The following TINAG variants were observed in gnomAD, a reference collection of about 807,000 sequenced individuals.
The protein encoded by TINAG is tubulointerstitial nephritis antigen.
Under a neutral mutation model 72.7 loss-of-function variants are expected in TINAG, and 83 were observed. The ratio of observed to expected loss-of-function variants is 1.14; its 90% confidence interval spans 0.96 to 1.37. The LOEUF (loss-of-function observed/expected upper bound fraction) is 1.37. Among genes scored for constraint, TINAG ranks in the 40% most tolerant of loss-of-function variants. TINAG has a pLI of 0.00. For missense variants in TINAG, 685 were observed against 576.6 expected (o/e 1.19, Z -1.93); for synonymous variants, 234 against 189.9 (o/e 1.23, Z -1.91).
chr6:54,357,633 C>T (rs1226494256), intron 9 of TINAG, among the ~76,000 whole-genome samples: 1 of 151,906 alleles, frequency 6.6e-6, no homozygotes, highest in African/African-American at 2.4e-5. Context: ...TCACAATTTA[C>T]TTTCAATATG....
chr6:54,333,397 C>T (rs772566206), intron 4 of TINAG, among the ~76,000 whole-genome samples: 4 of 151,290 alleles, frequency 2.6e-5, no homozygotes, highest in Non-Finnish European at 4.4e-5. Flanking sequence ...TGTTCTCACT[C>T]ATAAGTGGGA....
In TINAG at chr6:54,349,731, A is replaced by G. The variant is rs1341240097; in HGVS notation, c.915A>G (p.Ala305=). 1.9e-6 allele frequency: 3 copies of G among 1,589,094 alleles called. No homozygotes were observed. Among genetic ancestry groups the G allele is most frequent in the Non-Finnish European group, 2.6e-6 (3 of 1,164,606 alleles). ...TTCCTCATAGACTGGTATCCCACGCATGCTACCCACTTTTCAAAGACCAAA... is the reference window on the plus strand; with the variant it reads ...TTCCTCATAGACTGGTATCCCACGCGTGCTACCCACTTTTCAAAGACCAAA... The part of the protein sequence containing the change: ...YLRKRGLVSH[A]CYPLFKDQNA... The change falls in exon 7 of 11, where the codon GCA becomes GCG. Residue 305 remains alanine (A), a synonymous_variant. Transcript: ENST00000259782.
rs187121467 is a variant in TINAG, at chr6:54,357,456, T to C, written c.1250+2820T>C. Among the ~76,000 whole-genome samples, 351 of 152,030 alleles carry C rather than the reference T, an allele frequency of 2.3e-3. 1 individual carries two copies. The highest frequency in any genetic ancestry group is 3.8e-3 in the Non-Finnish European group (255 of 67,914). On this transcript the variant is annotated intron_variant, in intron 9 of 10. Transcript: ENST00000259782. ...TATTTGACATCATCACCTGGATACC[T>C]TATTAGGGAGTAAATGCTTCAAATT...
At chr6:54,371,981 GTTTTTTTTTTTT>G (rs576340253) in intron 9 of TINAG, among the ~76,000 whole-genome samples, 2 of 71,420 alleles carry the variant, frequency 2.8e-5, no homozygotes, top group South Asian at 6.6e-4. Flanking sequence ...TTCAAGTCAT[GTTTTTTTTTTTT>G]TTTTTTTTTT....
chr6:54,328,176 G>A (rs568963529), intron 4 of TINAG, among the ~76,000 whole-genome samples: 21 of 152,216 alleles, frequency 1.4e-4, no homozygotes, highest in African/African-American at 5.1e-4. Context: ...TTGACTGGGA[G>A]ACACCTCCCA....
chr6:54,342,660 G>A (rs993477579), intron 4 of TINAG, among the ~76,000 whole-genome samples: 2 of 152,084 alleles, frequency 1.3e-5, no homozygotes, highest in African/African-American at 4.8e-5. Context: ...GAGCCACCGT[G>A]CCCAGTCCTG....
rs114851099 is a variant in TINAG at position 54,311,551 on chromosome 6, C to A, written c.355+2646C>A. ...CAATTAGTATTATCCAGAGAGGTAA[C>A]CTTTACTTATATAATCAGTAAAACG... On this transcript the variant is annotated intron_variant, in intron 1 of 10. Transcript: ENST00000259782. Among the ~76,000 whole-genome samples the A allele has an allele frequency of 7.0e-3, 1,069 of 152,260 alleles. 14 individuals are homozygous for A. The highest frequency in any genetic ancestry group is 0.027 in the Middle Eastern group (8 of 292).
At chr6:54,369,555 T>C (rs1465300010) in intron 9 of TINAG, among the ~76,000 whole-genome samples, 3 of 152,004 alleles carry the variant, frequency 2.0e-5, no homozygotes, top group Non-Finnish European at 4.4e-5. Flanking sequence ...TTTAAAATTA[T>C]ACATTTCATG....
intron 9 of TINAG, among the ~76,000 whole-genome samples, chr6:54,361,431 T>C (rs1763234086): frequency 6.6e-6 from 1 of 151,650 alleles, no homozygotes. Context: ...AAGCCATATC[T>C]TCACATGGCG....
At chr6:54,388,578 G>A (rs1764164004) in intron 10 of TINAG, among the ~76,000 whole-genome samples, 1 of 152,066 alleles carries the variant, frequency 6.6e-6, no homozygotes, top group African/African-American at 2.4e-5. Context: ...GTAAATGGGA[G>A]GCGAGTGTGA....
At chr6:54,388,645 GAACT>G (rs2150987341) in intron 10 of TINAG, among the ~76,000 whole-genome samples, 1 of 151,994 alleles carries the variant, frequency 6.6e-6, no homozygotes, top group African/African-American at 2.4e-5. Context: ...TTTAGTTGTG[GAACT>G]AACTCCCTTC....
chr6:54,345,822 T>G (rs2150956604), intron 5 of TINAG, among the ~76,000 whole-genome samples: 1 of 152,194 alleles, frequency 6.6e-6, no homozygotes, highest in Non-Finnish European at 1.5e-5. Flanking sequence ...TATGCTGTAG[T>G]TACATTAAAA....
At chr6:54,328,523 C>T (rs906732866) in intron 4 of TINAG, among the ~76,000 whole-genome samples, 1 of 151,966 alleles carries the variant, frequency 6.6e-6, no homozygotes, top group African/African-American at 2.4e-5. Flanking sequence ...AAAATCAGCA[C>T]AAAAAAAGCT....
At chr6:54,360,010 A>G (rs1470329039) in intron 9 of TINAG, among the ~76,000 whole-genome samples, 3 of 151,806 alleles carry the variant, frequency 2.0e-5, no homozygotes, top group African/African-American at 7.2e-5. Context: ...AACTTATTGA[A>G]AAAATGAATT....
chr6:54,314,120 T>C (rs1208899549), intron 1 of TINAG, among the ~76,000 whole-genome samples: 1 of 152,198 alleles, frequency 6.6e-6, no homozygotes, highest in Non-Finnish European at 1.5e-5. Context: ...AAGTTGAGTA[T>C]ATTAAAATGG....
At chr6:54,340,520 A>G (rs1391207062) in intron 4 of TINAG, among the ~76,000 whole-genome samples, 1 of 152,182 alleles carries the variant, frequency 6.6e-6, no homozygotes, top group Non-Finnish European at 1.5e-5. Context: ...TTTACTTTAC[A>G]GAGGAATACA....
chr6:54,374,496 A>T (rs1239970465), intron 9 of TINAG, among the ~76,000 whole-genome samples: 1 of 152,130 alleles, frequency 6.6e-6, no homozygotes, highest in Non-Finnish European at 1.5e-5. Flanking sequence ...ACTTTTTCAT[A>T]TTCAATAACA....
At chr6:54,328,230 A>G (rs933201908) in intron 4 of TINAG, among the ~76,000 whole-genome samples, 1 of 152,090 alleles carries the variant, frequency 6.6e-6, no homozygotes, top group African/African-American at 2.4e-5. Context: ...TGTGGCTGGC[A>G]TCCGGTGGGT....
chr6:54,355,891 A>G (rs1435298101), intron 9 of TINAG, among the ~76,000 whole-genome samples: 1 of 151,776 alleles, frequency 6.6e-6, no homozygotes, highest in Non-Finnish European at 1.5e-5. Flanking sequence ...GAAAGAAGGA[A>G]AGAGATTTCA....
Sources: allele counts gnomAD v4.1 joint callset (sites outside exome capture counted in the v4.1 genomes callset), GRCh38; gene constraint gnomAD v4.1.1; transcripts MANE v1.5; gene names NCBI Gene and HGNC (gene_info 2026-07-23, HGNC 2026-07-21).